DSCAML1: variants seen among roughly 807,000 people sequenced by gnomAD.
DSCAML1 encodes DS cell adhesion molecule like 1, also known as cell adhesion molecule DSCAML1.
DSCAML1 carries 38 observed loss-of-function variants against 200.5 expected under a neutral mutation model. The ratio of observed to expected loss-of-function variants is 0.19; its 90% CI spans 0.15 to 0.25. The LOEUF is 0.25. DSCAML1 is among the 10% of genes least tolerant of loss of function. The pLI is 1.00. For missense variants in DSCAML1, 2,223 were observed against 2,858.8 expected, an observed-to-expected ratio of 0.78 and a Z score of 5.07; for synonymous variants, 1,215 against 1,165.0, an observed-to-expected ratio of 1.04 and a Z score of -0.87.
chr11:117,544,960 G>A (rs988246638), intron 3 of DSCAML1, among the ~76,000 whole-genome samples: 2 of 152,114 alleles, frequency 1.3e-5, no homozygotes, highest in Non-Finnish European at 2.9e-5. Context: ...GGCTGGGTGT[G>A]GTGGCTCATG....
At chr11:117,685,996 C>G (rs1273427665) in intron 3 of DSCAML1, among the ~76,000 whole-genome samples, 2 of 152,124 alleles carry the variant, frequency 1.3e-5, no homozygotes, top group African/African-American at 4.8e-5. Flanking sequence ...AGGGAGGGTT[C>G]TGATGCTGCA....
chr11:117,530,979 G>C (rs1397782912), intron 4 of DSCAML1, among the ~76,000 whole-genome samples: 1 of 152,228 alleles, frequency 6.6e-6, no homozygotes, highest in Non-Finnish European at 1.5e-5. Flanking sequence ...CATTTGGTGA[G>C]TTGTGGCCAG....
At chr11:117,573,477 G>A (rs1179896497) in intron 3 of DSCAML1, among the ~76,000 whole-genome samples, 1 of 152,152 alleles carries the variant, frequency 6.6e-6, no homozygotes, top group African/African-American at 2.4e-5. Context: ...TCTGCCCCAG[G>A]CCTAGCCGGT....
At chr11:117,557,026 C>T (rs1236017238) in intron 3 of DSCAML1, among the ~76,000 whole-genome samples, 2 of 152,160 alleles carry the variant, frequency 1.3e-5, no homozygotes, top group Non-Finnish European at 2.9e-5. Context: ...ACAGTCCACA[C>T]AGGACCAGGC....
chr11:117,608,304 TA>T (rs1455377340), intron 3 of DSCAML1, among the ~76,000 whole-genome samples: 3 of 152,258 alleles, frequency 2.0e-5, no homozygotes, highest in Non-Finnish European at 4.4e-5. Flanking sequence ...TTTTATTGAA[TA>T]TTTTTTTCTG....
chr11:117,809,923 TCA>T (rs1040964441), intron 1 of DSCAML1, among the ~76,000 whole-genome samples: 36 of 148,310 alleles, frequency 2.4e-4, no homozygotes, highest in East Asian at 5.9e-4. Flanking sequence ...ATTCACACAT[TCA>T]CACACACGCA....
At chr11:117,434,817 C>T (rs997106404) in intron 27 of DSCAML1, among the ~76,000 whole-genome samples, 15 of 152,156 alleles carry the variant, frequency 9.9e-5, no homozygotes, top group African/African-American at 3.6e-4. Context: ...TCCATCCTTC[C>T]ATCCATTCAT....
intron 3 of DSCAML1, among the ~76,000 whole-genome samples, chr11:117,557,867 C>T (rs2050587353): frequency 1.3e-5 from 2 of 151,998 alleles, no homozygotes; most frequent in Admixed American, 6.6e-5. Context: ...CCTTAGGAGA[C>T]ATATGGCAAT....
chr11:117,776,437 T>C (rs1302585387), intron 3 of DSCAML1, among the ~76,000 whole-genome samples: 1 of 152,002 alleles, frequency 6.6e-6, no homozygotes, highest in Non-Finnish European at 1.5e-5. Flanking sequence ...CTTGCCACCT[T>C]TCGCAGGTAA....
At position 117,496,665 on chromosome 11, in the gene DSCAML1, G is replaced by A. The variant is rs117507031; in HGVS notation, c.2359+7180C>T. 5.6e-4 allele frequency among the ~76,000 whole-genome samples: 86 copies of A among 152,302 alleles called. No individual in the cohort carries two copies. In the East Asian group the frequency reaches 0.013, roughly 23 times the overall value. ...AGTGCTGTGGTCATGGGGACTGCAG[G>A]GATGAGAGTGAAGTGGTGGTGATGT... On this transcript the variant is annotated intron_variant, in intron 11 of 32. Transcript: ENST00000651296.
intron 3 of DSCAML1, among the ~76,000 whole-genome samples, chr11:117,749,421 G>T (rs2054568595): frequency 6.6e-6 from 1 of 152,226 alleles, no homozygotes; most frequent in Admixed American, 6.5e-5. Context: ...AGAAGGCAGG[G>T]CCAGGGCTAG....
chr11:117,571,920 C>T (rs758146029), intron 3 of DSCAML1, among the ~76,000 whole-genome samples: 3 of 152,196 alleles, frequency 2.0e-5, no homozygotes, highest in African/African-American at 2.4e-5. Flanking sequence ...GACCTCTGGT[C>T]GTCCTCATTG....
chr11:117,448,863 G>A (rs1379343678), intron 20 of DSCAML1, among the ~76,000 whole-genome samples: 1 of 152,154 alleles, frequency 6.6e-6, no homozygotes, highest in African/African-American at 2.4e-5. Context: ...GCGTACACCT[G>A]GCAGAGATCC....
chr11:117,483,543 T>C (rs1238599398), intron 11 of DSCAML1, among the ~76,000 whole-genome samples: 1 of 152,180 alleles, frequency 6.6e-6, no homozygotes, highest in Non-Finnish European at 1.5e-5. Context: ...TCAGGGAGTT[T>C]CACTCTAGTG....
chr11:117,435,858 C>T, intron 26 of DSCAML1, 59 bp from the exon 27 acceptor site: 1 of 1,548,508 alleles, frequency 6.5e-7, no homozygotes, highest in South Asian at 1.2e-5. Flanking sequence ...CTGTGCAGAA[C>T]ATCTCATGGG....
At chr11:117,486,448 T>TGTGAAAGTGGCGG (rs1262021478) in intron 11 of DSCAML1, among the ~76,000 whole-genome samples, 1 of 152,166 alleles carries the variant, frequency 6.6e-6, no homozygotes, top group African/African-American at 2.4e-5. Flanking sequence ...AAGTGGCAGA[T>TGTGAAAGTGGCGG]ATGAAAGTAG....
chr11:117,577,764 A>G, intron 3 of DSCAML1, among the ~76,000 whole-genome samples: 1 of 150,100 alleles, frequency 6.7e-6, no homozygotes, highest in African/African-American at 2.4e-5. Flanking sequence ...ACAGGGTTTC[A>G]CCATGTTGGT....
chr11:117,579,184 T>C (rs1371599601), intron 3 of DSCAML1, among the ~76,000 whole-genome samples: 2 of 152,156 alleles, frequency 1.3e-5, no homozygotes, highest in East Asian at 1.9e-4. Flanking sequence ...CTTCCACTCT[T>C]GTCCTCTTGT....
At chr11:117,576,291 G>C (rs1044894115) in intron 3 of DSCAML1, among the ~76,000 whole-genome samples, 3 of 152,164 alleles carry the variant, frequency 2.0e-5, no homozygotes, top group African/African-American at 7.2e-5. Flanking sequence ...GGGGGTTTTT[G>C]TCCAGCGAGG....
Sources: allele counts gnomAD v4.1 joint callset (sites outside exome capture counted in the v4.1 genomes callset), GRCh38; gene constraint gnomAD v4.1.1; transcripts MANE v1.5; gene names NCBI Gene and HGNC (gene_info 2026-07-23, HGNC 2026-07-21).